Variants in PRMT3 observed in about 807,000 individuals in gnomAD.
PRMT3 encodes protein arginine N-methyltransferase 3.
In PRMT3, 62 loss-of-function variants were observed where a neutral mutation model predicts 71.9. The observed-to-expected ratio is 0.86, with a 90% CI of 0.70 to 1.07. The LOEUF is 1.07. Among genes scored for constraint, PRMT3 ranks in the 50% least tolerant of loss-of-function variants. The pLI is 0.00. For synonymous variants in PRMT3, 213 were observed against 220.4 expected (o/e 0.97, Z 0.30); for missense variants, 663 against 643.0 (o/e 1.03, Z -0.34).
Position 20,406,976 on chromosome 11 carries a change from A to G in PRMT3, c.772-935A>G, listed in dbSNP as rs76658366. ...ATGTCCATAAGTTGTTTCAGTTTTT[A>G]TGTTAGAAACAATGCTTCATATAAA... On this transcript the variant is annotated intron_variant, in intron 8 of 15. Transcript: ENST00000331079. The G allele has an allele frequency of 1.4e-3, 216 of 152,254 alleles. 2 individuals are homozygous for G. Among genetic ancestry groups the G allele is most frequent in the Middle Eastern group, 0.01 (3 of 294 alleles). 9.4% of individuals were successfully genotyped at this position (152,254 alleles called of 1,614,324 possible).
chr11:20,459,327 A>C (rs1850332639), intron 11 of PRMT3, among the ~76,000 whole-genome samples: 1 of 152,210 alleles, frequency 6.6e-6, no homozygotes. Context: ...GAGGATATTC[A>C]GTTCCCATTA....
chr11:20,456,477 T>C (rs1438893508), intron 11 of PRMT3, among the ~76,000 whole-genome samples: 3 of 152,224 alleles, frequency 2.0e-5, no homozygotes, highest in Non-Finnish European at 4.4e-5. Flanking sequence ...TTCCCATGAA[T>C]TGCTTGGCAT....
intron 9 of PRMT3, among the ~76,000 whole-genome samples, chr11:20,421,384 A>G (rs1249117398): frequency 6.6e-6 from 1 of 152,152 alleles, no homozygotes; most frequent in African/African-American, 2.4e-5. Flanking sequence ...AAGGACATTA[A>G]GTCACTTTAA....
rs570446945 is a variant in PRMT3, at chr11:20,392,701, A to AC, written c.298-196_298-195insC. 2.8e-4 allele frequency among the ~76,000 whole-genome samples: 43 copies of AC among 152,068 alleles called. No individual in the cohort carries two copies. The South Asian group carries it at 5.8e-3, about 21-fold the overall frequency. ...TTCCCCAAATCCAAACAGTAAAAAA[A>AC]ACTCTGCGTTGAAACTGCTGGTTAA... On this transcript the variant is annotated intron_variant, in intron 4 of 15. Coordinates refer to ENST00000331079, the MANE Select transcript of PRMT3 (RefSeq NM_005788.4).
intron 3 of PRMT3, among the ~76,000 whole-genome samples, chr11:20,391,309 G>A (rs1342995963): frequency 4.0e-5 from 6 of 151,690 alleles, no homozygotes; most frequent in Admixed American, 3.9e-4. Context: ...GCAATGGCAC[G>A]ATCTCGGCTC....
chr11:20,497,378 A>G (rs956859695), intron 15 of PRMT3, among the ~76,000 whole-genome samples: 11 of 152,190 alleles, frequency 7.2e-5, no homozygotes, highest in African/African-American at 2.2e-4. Flanking sequence ...ATTTGTATCT[A>G]AATAGTAAGA....
intron 9 of PRMT3, among the ~76,000 whole-genome samples, chr11:20,425,118 A>T (rs542303118): frequency 1.3e-5 from 2 of 152,188 alleles, no homozygotes; most frequent in East Asian, 3.9e-4. Flanking sequence ...AAAAAAAAAA[A>T]AAAAGAAAGA....
chr11:20,500,890 G>T (rs1202962917), intron 15 of PRMT3, among the ~76,000 whole-genome samples: 2 of 152,090 alleles, frequency 1.3e-5, no homozygotes, highest in African/African-American at 4.8e-5. Context: ...CTTCTCACTG[G>T]ACAGTCAATA....
intron 9 of PRMT3, among the ~76,000 whole-genome samples, chr11:20,413,676 T>C (rs545281662): frequency 6.6e-6 from 1 of 151,296 alleles, no homozygotes; most frequent in African/African-American, 2.4e-5. Flanking sequence ...AGCTATCTTG[T>C]CAAACTGTGA....
intron 15 of PRMT3, among the ~76,000 whole-genome samples, chr11:20,498,980 TAAC>T (rs1385335522): frequency 6.6e-6 from 1 of 152,192 alleles, no homozygotes; most frequent in Non-Finnish European, 1.5e-5. Flanking sequence ...ACTTGGATCT[TAAC>T]AAAGCAGTGG....
chr11:20,468,000 G>A (rs1234740165), intron 13 of PRMT3, among the ~76,000 whole-genome samples: 1 of 152,116 alleles, frequency 6.6e-6, no homozygotes, highest in Non-Finnish European at 1.5e-5. Context: ...TGGATTAGTC[G>A]CCCAGTTTAT....
chr11:20,440,463 G>A (rs966913719), intron 10 of PRMT3, among the ~76,000 whole-genome samples: 1 of 131,364 alleles, frequency 7.6e-6, no homozygotes, highest in East Asian at 2.3e-4. Flanking sequence ...GGCTAACACG[G>A]TGAAACCCCA....
At chr11:20,389,929 A>G in intron 3 of PRMT3, 103 bp downstream of exon 3, 2 of 834,770 alleles carry the variant, frequency 2.4e-6, no homozygotes, top group South Asian at 1.5e-5. Flanking sequence ...AGGTGGGTGG[A>G]TCACTTTAGG....
intron 7 of PRMT3, among the ~76,000 whole-genome samples, chr11:20,401,746 A>C (rs1256347787): frequency 1.3e-5 from 2 of 152,216 alleles, no homozygotes; most frequent in Admixed American, 6.5e-5. Flanking sequence ...ATTTGCAGTC[A>C]GTATGTGTTT....
chr11:20,482,308 C>T (rs1345416938), intron 13 of PRMT3, among the ~76,000 whole-genome samples: 1 of 146,040 alleles, frequency 6.8e-6, no homozygotes, highest in African/African-American at 2.8e-5. Flanking sequence ...ATCAAATTGT[C>T]CTAAAATACA....
chr11:20,462,380 C>T (rs531709701), intron 12 of PRMT3, among the ~76,000 whole-genome samples: 1 of 152,254 alleles, frequency 6.6e-6, no homozygotes, highest in East Asian at 1.9e-4. Context: ...TCCTTACACT[C>T]AGTTTTACAG....
chr11:20,480,053 C>A (rs1391427688), intron 13 of PRMT3, among the ~76,000 whole-genome samples: 1 of 152,172 alleles, frequency 6.6e-6, no homozygotes, highest in Non-Finnish European at 1.5e-5. Context: ...AGGCTGGGCG[C>A]AGTGGTTTAC....
chr11:20,406,205 C>G (rs962075014), intron 8 of PRMT3: 8 of 152,196 alleles, frequency 5.3e-5, no homozygotes, highest in Non-Finnish European at 8.8e-5. Flanking sequence ...TTTAAATCAT[C>G]TCCAGATTAC....
At position 20,434,088 on chromosome 11, in the gene PRMT3, A is replaced by T. The variant is rs376879489; in HGVS notation, c.993+7223A>T. Among the ~76,000 whole-genome samples, 123 of 152,258 alleles carry T rather than the reference A, an allele frequency of 8.1e-4. 2 individuals carry two copies. In the South Asian group the frequency reaches 0.014, roughly 18 times the overall value. ...GCCATTCTGACTGGTGTGAGATGGT[A>T]TCTCATTGTGATTTTGATGTTCATT... is the stretch of plus-strand genomic sequence containing the variant. On this transcript the variant is annotated intron_variant, in intron 10 of 15. Coordinates refer to ENST00000331079, the MANE Select transcript of PRMT3 (RefSeq NM_005788.4).
Sources: gnomAD v4.1 joint callset for allele counts (sites outside exome capture counted in the v4.1 genomes callset) on GRCh38, gnomAD v4.1.1 for gene constraint, MANE v1.5 for transcripts, NCBI Gene and HGNC (gene_info 2026-07-23, HGNC 2026-07-21) for gene names.